ADPRHL1: variants seen among roughly 807,000 people sequenced by gnomAD.
The protein encoded by ADPRHL1 is inactive ADP-ribosyltransferase ARH2.
ADPRHL1 carries 43 observed loss-of-function variants against 44.1 expected under a neutral mutation model. The observed-to-expected ratio is 0.98, with a 90% CI of 0.76 to 1.26. The LOEUF (loss-of-function observed/expected upper bound fraction) is 1.26. ADPRHL1 is among the 50% of genes most tolerant of loss of function. The pLI is 0.00. For missense variants in ADPRHL1, 2,022 were observed against 2,496.9 expected (o/e 0.81, Z 4.05); for synonymous variants, 878 against 1,017.4 (o/e 0.86, Z 2.61).
chr13:113,408,009 G>T lies in ADPRHL1; in HGVS notation c.1273C>A (p.Arg425=), dbSNP rs549984731. 5 of 1,232,834 alleles carry T rather than the reference G, an allele frequency of 4.1e-6. No individual in the cohort carries two copies. The highest frequency in any genetic ancestry group is 4.0e-6 in the Non-Finnish European group (4 of 988,644). The allele number at this position is 1,232,834 out of a possible 1,614,324, so 76.4% of individuals were successfully genotyped here. Residue 425 remains arginine (R), a synonymous_variant, in exon 8 of 8, where the codon CGG becomes AGG. Coordinates refer to ENST00000612156, the MANE Select transcript of ADPRHL1 (RefSeq NM_001394807.1). ...HQPQTQEATQ[R]PTRFQLLQAK... ...TGCAGGAGCTGGAAGCGCGTGGGCC[G>T]CTGGGTGGCCTCCTGGGTCTGGGGC...
At chr13:113,411,884 C>A (rs1443776354) in intron 7 of ADPRHL1, among the ~76,000 whole-genome samples, 1 of 152,224 alleles carries the variant, frequency 6.6e-6, no homozygotes, top group Non-Finnish European at 1.5e-5. Flanking sequence ...CTGGCCACTC[C>A]CCTGCTCCCT....
At chr13:113,450,731 T>C (rs1025313144) in intron 1 of ADPRHL1, among the ~76,000 whole-genome samples, 1 of 152,172 alleles carries the variant, frequency 6.6e-6, no homozygotes, top group South Asian at 2.1e-4. Context: ...CTATTAGTAC[T>C]GATAGTACTA....
chr13:113,428,304 C>A (rs1293437375), intron 4 of ADPRHL1, among the ~76,000 whole-genome samples: 22 of 151,348 alleles, frequency 1.5e-4, no homozygotes. Context: ...ATAAGCAAAC[C>A]TGATCCTACA....
rs2043798305 is a variant in ADPRHL1 at position 113,405,185 on chromosome 13, T to C, written c.4097A>G (p.Glu1366Gly). Residue 1366 changes from glutamate (E) to glycine (G), a missense_variant, in exon 8 of 8, where the codon GAA (glutamate) becomes GGA (glycine). Transcript: ENST00000612156. Reference sequence around the variant, plus strand: ...CTGTGTCAGGGGACGCTCCTGGGATTCACCTGCCTGCGTCCTAGGCTCGGG... The same window carrying C: ...CTGTGTCAGGGGACGCTCCTGGGATCCACCTGCCTGCGTCCTAGGCTCGGG... Reference protein sequence around the residue: ...SVPEPRTQAGESQERPLTQAD... With the variant: ...SVPEPRTQAGGSQERPLTQAD... The C allele has an allele frequency of 8.1e-7, 1 of 1,231,800 alleles. No homozygotes were observed. Among genetic ancestry groups the C allele is most frequent in the East Asian group, 3.2e-5 (1 of 31,720 alleles). The allele number at this position is 1,231,800 out of a possible 1,614,324, so 76.3% of individuals were successfully genotyped here. A position where few individuals can be genotyped will look rare whatever the true frequency, so the allele number is the denominator to read the frequency against.
At position 113,406,336 on chromosome 13, in the gene ADPRHL1, G is replaced by A. The variant is rs1210592265; in HGVS notation, c.2946C>T (p.Leu982=). 30 of 1,231,972 alleles carry A rather than the reference G, an allele frequency of 2.4e-5. No homozygotes were observed. Among genetic ancestry groups the A allele is most frequent in the Non-Finnish European group, 2.7e-5 (27 of 987,972 alleles). The allele number at this position is 1,231,972 out of a possible 1,614,324, so 76.3% of individuals were successfully genotyped here. ...DDISGERTSE[L]RDVKHPLPES... The stretch of plus-strand genomic sequence containing the variant: ...CCGGCAACGGATGCTTCACATCTCT[G>A]AGCTCAGAGGTCCTCTCTCCTGAAA... The change falls in exon 8 of 8, where the codon CTC becomes CTT. Residue 982 remains leucine, a synonymous_variant. Transcript: ENST00000612156.
rs2043820983 is a variant in ADPRHL1, at chr13:113,407,874, T to C, written c.1408A>G (p.Thr470Ala). 1.6e-6 allele frequency: 2 copies of C among 1,231,994 alleles called. No individual in the cohort carries two copies. The highest frequency in any genetic ancestry group is 6.3e-5 in the East Asian group (2 of 31,688). 76.3% of individuals were successfully genotyped at this position (1,231,994 alleles called of 1,614,324 possible). The part of the protein sequence containing the change: ...QGPGGGLVGA[T>A]INKLLEKTKE... ...GTCTTCTCCAGGAGCTTGTTGATGGTGGCACCCACGAGGCCCCCACCCGGC... is the reference window on the plus strand; with the variant it reads ...GTCTTCTCCAGGAGCTTGTTGATGGCGGCACCCACGAGGCCCCCACCCGGC... Residue 470 changes from threonine to alanine, a missense_variant, in exon 8 of 8, where the codon ACC (threonine) becomes GCC (alanine). Thr to Ala is a moderately conservative substitution (Grantham distance 58). Around this residue, in one of 8 missense-constraint regions of ADPRHL1, gnomAD observed 1,221 missense variants for 1,517.8 expected, o/e 0.80. Transcript: ENST00000612156.
At chr13:113,449,174 G>A (rs1424542968) in intron 1 of ADPRHL1, 4 of 1,024,044 alleles carry the variant, frequency 3.9e-6, no homozygotes, top group African/African-American at 1.8e-5. Flanking sequence ...GAAGGAGGCA[G>A]CCCCAGTCAG....
Position 113,407,622 on chromosome 13 carries a change from T to TGGA in ADPRHL1, c.1659_1660insTCC (p.Glu553_Lys554insSer). The TGGA allele has an allele frequency of 8.1e-7, 1 of 1,232,076 alleles. No homozygotes were observed. 76.3% of individuals were successfully genotyped at this position (1,232,076 alleles called of 1,614,324 possible). ...CACAGGCAGCTGTTCTGCTCGAACT[T>TGGA]CTCCCGCAGCTTGGACAGCACCGAG... On this transcript the variant is annotated inframe_insertion, in exon 8 of 8. Coordinates refer to ENST00000612156, the MANE Select transcript of ADPRHL1 (RefSeq NM_001394807.1).
rs2043746552 is a variant in ADPRHL1 at position 113,400,151 on chromosome 13, T to TCTA, written c.*3226_*3227insTAG. 2 of 144,618 alleles carry TCTA rather than the reference T, an allele frequency of 1.4e-5. No individual in the cohort carries two copies. Among genetic ancestry groups the TCTA allele is most frequent in the African/African-American group, 5.3e-5 (2 of 38,068 alleles). 9.0% of individuals were successfully genotyped at this position (144,618 alleles called of 1,614,324 possible). A position where few individuals can be genotyped will look rare whatever the true frequency, so the allele number is the denominator to read the frequency against. On this transcript the variant is annotated 3_prime_UTR_variant, in exon 8 of 8. Transcript: ENST00000612156. ...TTTTCTTTTCTTTTCTTTTCTTCTT[T>TCTA]TTTTTTTTTTTTTTGACGGAGTCTC...
Position 113,403,380 on chromosome 13 carries a change from A to G in ADPRHL1, c.5902T>C (p.Ter1968ArgextTer41), listed in dbSNP as rs2043777108. ...RASDTSELPK* is the reference protein window; with the variant it reads ...RASDTSELPKR ...AGCCACGGTGTGTACTCGGGGCCTC[A>G]CTTTGGGAGCTCAGACGTGTCGCTG... is the stretch of plus-strand genomic sequence containing the variant. Residue 1968 changes from the stop codon to arginine (R), a stop_lost, in exon 8 of 8, where the codon TGA becomes CGA. Transcript: ENST00000612156. The G allele has an allele frequency of 8.1e-7, 1 of 1,231,932 alleles. No homozygotes were observed. Among genetic ancestry groups the G allele is most frequent in the African/African-American group, 1.6e-5 (1 of 64,398 alleles). 76.3% of individuals were successfully genotyped at this position (1,231,932 alleles called of 1,614,324 possible). A position where few individuals can be genotyped will look rare whatever the true frequency, so the allele number is the denominator to read the frequency against.
intron 1 of ADPRHL1, among the ~76,000 whole-genome samples, chr13:113,444,912 T>C (rs9604113): frequency 0.015 from 2,219 of 152,252 alleles, 51 homozygotes; most frequent in African/African-American, 0.046. Flanking sequence ...CGTGAGCCAC[T>C]GCACCCAGCC....
intron 1 of ADPRHL1, among the ~76,000 whole-genome samples, chr13:113,452,047 C>T (rs796897757): frequency 3.1e-4 from 47 of 152,290 alleles, no homozygotes; most frequent in African/African-American, 1.1e-3. Flanking sequence ...CGGCATCAGA[C>T]GCCCAGAGGA....
Position 113,429,053 on chromosome 13 carries a change from A to G in ADPRHL1, c.545T>C (p.Phe182Ser). The G allele has an allele frequency of 1.2e-6, 2 of 1,612,544 alleles. No homozygotes were observed. Among genetic ancestry groups the G allele is most frequent in the South Asian group, 2.2e-5 (2 of 91,014 alleles). ...GACCAGGGGCTTTCCTTGTGCGGCGAACGACACAAACAGGGCCGTGCACAG... is the reference window on the plus strand; with the variant it reads ...GACCAGGGGCTTTCCTTGTGCGGCGGACGACACAAACAGGGCCGTGCACAG... ...GSLCTALFVS[F>S]AAQGKPLVQW... The change falls in exon 4 of 8, where the codon TTC becomes TCC. Residue 182 changes from phenylalanine to serine, a missense_variant. Coordinates refer to ENST00000612156, the MANE Select transcript of ADPRHL1 (RefSeq NM_001394807.1).
intron 3 of ADPRHL1, 150 bp from the exon 4 acceptor site, chr13:113,429,242 C>T (rs2043990194): frequency 1.9e-6 from 2 of 1,033,134 alleles, no homozygotes; most frequent in Admixed American, 4.6e-5. Flanking sequence ...GCGGCATTAA[C>T]CACGTTCACA....
At chr13:113,413,619 G>A (rs1166711892) in intron 7 of ADPRHL1, among the ~76,000 whole-genome samples, 1 of 152,202 alleles carries the variant, frequency 6.6e-6, no homozygotes, top group East Asian at 1.9e-4. Flanking sequence ...GAGTGAACGC[G>A]TCCTCATGCG....
chr13:113,427,035 A>G (rs922583089), intron 4 of ADPRHL1, among the ~76,000 whole-genome samples: 2 of 152,200 alleles, frequency 1.3e-5, no homozygotes, highest in African/African-American at 2.4e-5. Flanking sequence ...TGGGTTAAAC[A>G]AATTTGAAAT....
rs140847949 is a variant in ADPRHL1 at position 113,453,008 on chromosome 13, T to C, written c.214+216A>G. On this transcript the variant is annotated intron_variant, in intron 1 of 7. Coordinates refer to ENST00000612156, the MANE Select transcript of ADPRHL1 (RefSeq NM_001394807.1). This position sits in a 1 kb window ranked among gnomAD's most constrained non-coding sequence, Gnocchi z 5.4. The stretch of plus-strand genomic sequence containing the variant: ...TAATAACTGCAAAGTAAAGTAATAC[T>C]GTCACCCTCAGAGAAACCACAGGAG... Among the ~76,000 whole-genome samples, 49 of 152,344 alleles carry C rather than the reference T, an allele frequency of 3.2e-4. No homozygotes were observed. In the East Asian group the frequency reaches 8.1e-3, roughly 25 times the overall value.
At chr13:113,442,430 C>T (rs1397480825) in intron 2 of ADPRHL1, among the ~76,000 whole-genome samples, 1 of 152,260 alleles carries the variant, frequency 6.6e-6, no homozygotes, top group Non-Finnish European at 1.5e-5. Flanking sequence ...CACTGTGCTC[C>T]AGCCTGGGTG....
At chr13:113,412,131 T>C (rs1221739837) in intron 7 of ADPRHL1, among the ~76,000 whole-genome samples, 1 of 152,182 alleles carries the variant, frequency 6.6e-6, no homozygotes, top group Non-Finnish European at 1.5e-5. Context: ...CAGCTCAGCG[T>C]GTGCTGCTGC....
Sources: allele counts gnomAD v4.1 joint callset (sites outside exome capture counted in the v4.1 genomes callset), GRCh38; gene constraint gnomAD v4.1.1; regional missense constraint gnomAD v4.1.1; non-coding constraint Gnocchi (gnomAD v3.1); transcripts MANE v1.5; gene names NCBI Gene and HGNC (gene_info 2026-07-23, HGNC 2026-07-21).